ERICH1: variants seen among roughly 807,000 people sequenced by gnomAD.
The protein encoded by ERICH1 is glutamate rich 1.
In ERICH1, 56 loss-of-function variants were observed where a neutral mutation model predicts 39.6. That is an observed-to-expected ratio of 1.41 (90% CI 1.14 to 1.77). The LOEUF (loss-of-function observed/expected upper bound fraction) is 1.77, where lower values mean the gene tolerates loss of function less well. Ranked by LOEUF, ERICH1 falls within the 40% of genes most tolerant of loss-of-function variation. ERICH1 has a pLI of 0.00. For missense variants in ERICH1, 826 were observed against 575.4 expected (o/e 1.44, Z -4.45); for synonymous variants, 313 against 223.6 (o/e 1.40, Z -3.57).
Position 634,534 on chromosome 8 carries a change from G to C in ERICH1, c.977-19250C>G, listed in dbSNP as rs1022852023. On this transcript the variant is annotated intron_variant, in intron 3 of 3. Coordinates refer to the ERICH1 transcript ENST00000522706. ...GCACACCCATGCTCAGGGCGGCCCCGTCGGGCGGGCACCTTCAACAGCAGG... is the reference window on the plus strand; with the variant it reads ...GCACACCCATGCTCAGGGCGGCCCCCTCGGGCGGGCACCTTCAACAGCAGG... Among the ~76,000 whole-genome samples, 31 of 152,212 alleles carry C rather than the reference G, an allele frequency of 2.0e-4. 1 individual carries two copies. The highest frequency in any genetic ancestry group is 2.0e-3 in the Admixed American group (31 of 15,282).
chr8:671,378 C>T (rs1254976568), intron 4 of ERICH1, among the ~76,000 whole-genome samples: 3 of 141,792 alleles, frequency 2.1e-5, no homozygotes, highest in Non-Finnish European at 3.1e-5. Context: ...CCGGCCCCGG[C>T]TCTAATGTCT....
chr8:654,046 GGTTGCGGA>G (rs1233828714), intron 3 of ERICH1, among the ~76,000 whole-genome samples: 1 of 152,126 alleles, frequency 6.6e-6, no homozygotes, highest in African/African-American at 2.4e-5. Context: ...TGCAGGGAGG[GGTTGCGGA>G]GTTCCTGTCT....
At chr8:685,263 A>G (rs183278282) in intron 3 of ERICH1, among the ~76,000 whole-genome samples, 1 of 152,334 alleles carries the variant, frequency 6.6e-6, no homozygotes, top group East Asian at 1.9e-4. Flanking sequence ...GTTTTCGGCA[A>G]TAAGAGAAAT....
chr8:683,537 G>C lies in ERICH1; in HGVS notation c.304+8941C>G, dbSNP rs188446034. ...CTCTCTCTTAATAGATCTGAATCTGGAGCAGTAATTTCCAAAGACAACAAG... is the reference window on the plus strand; with the variant it reads ...CTCTCTCTTAATAGATCTGAATCTGCAGCAGTAATTTCCAAAGACAACAAG... On this transcript the variant is annotated intron_variant, in intron 3 of 5. Transcript: ENST00000262109. Among the ~76,000 whole-genome samples, 60 of 152,298 alleles carry C rather than the reference G, an allele frequency of 3.9e-4. No individual in the cohort carries two copies. In the East Asian group the frequency reaches 0.011, roughly 28 times the overall value.
intron 5 of ERICH1, chr8:667,278 C>G (rs1162184567): frequency 6.5e-6 from 1 of 153,448 alleles, no homozygotes; most frequent in Non-Finnish European, 1.5e-5. Context: ...ATGTGCCTGG[C>G]CCTGTCACCT....
At chr8:706,924 G>A (rs960657664) in intron 2 of ERICH1, among the ~76,000 whole-genome samples, 1 of 152,148 alleles carries the variant, frequency 6.6e-6, no homozygotes, top group Non-Finnish European at 1.5e-5. Context: ...ACTGCCCAGT[G>A]TTCTACAAAC....
At chr8:631,275 C>A (rs1369009110) in intron 3 of ERICH1, among the ~76,000 whole-genome samples, 1 of 152,214 alleles carries the variant, frequency 6.6e-6, no homozygotes, top group Admixed American at 6.5e-5. Context: ...AGCCCCCGTG[C>A]CCCTGCTCCA....
At chr8:634,947 G>A (rs1798308231) in intron 3 of ERICH1, among the ~76,000 whole-genome samples, 1 of 152,200 alleles carries the variant, frequency 6.6e-6, no homozygotes, top group Admixed American at 6.5e-5. Context: ...CCCTCTTGGT[G>A]CCTCTGGGGA....
At chr8:699,003 A>C (rs1347632927) in intron 2 of ERICH1, among the ~76,000 whole-genome samples, 2 of 151,406 alleles carry the variant, frequency 1.3e-5, no homozygotes, top group African/African-American at 4.9e-5. Flanking sequence ...GTCTCGGCTC[A>C]GCTGTGGCGG....
chr8:629,204 G>C lies in ERICH1; in HGVS notation c.977-13920C>G, dbSNP rs568452436. Among the ~76,000 whole-genome samples the C allele has an allele frequency of 1.1e-4, 16 of 152,280 alleles. 1 individual carries two copies. The South Asian group carries it at 2.9e-3, about 28-fold the overall frequency. ...AGCACCCCCTTCCTAGCCACACTCA[G>C]GGCTTTATAGTGGCAACAAAAATGG... On this transcript the variant is annotated intron_variant, in intron 3 of 3. Transcript: ENST00000522706.
chr8:711,318 G>T (rs986906042), intron 2 of ERICH1, among the ~76,000 whole-genome samples: 1 of 152,060 alleles, frequency 6.6e-6, no homozygotes, highest in Non-Finnish European at 1.5e-5. Context: ...CAGAGCACAA[G>T]ATTTTAATTT....
chr8:627,272 G>A (rs981721108), intron 3 of ERICH1: 1 of 454,830 alleles, frequency 2.2e-6, no homozygotes, highest in Non-Finnish European at 4.4e-6. Context: ...TTACCTTACA[G>A]GATTGAAAAG....
At chr8:719,733 C>T (rs1368941939) in intron 1 of ERICH1, among the ~76,000 whole-genome samples, 1 of 152,216 alleles carries the variant, frequency 6.6e-6, no homozygotes, top group Admixed American at 6.5e-5. Context: ...GAAGTGCCCA[C>T]ACTTGCACAT....
At chr8:711,849 T>C (rs895258473) in intron 2 of ERICH1, among the ~76,000 whole-genome samples, 1 of 152,234 alleles carries the variant, frequency 6.6e-6, no homozygotes, top group Non-Finnish European at 1.5e-5. Flanking sequence ...TCTGTGTCTA[T>C]ATTTTTATGC....
In ERICH1 at chr8:687,634, G is replaced by A. The variant is rs532546517; in HGVS notation, c.304+4844C>T. Among the ~76,000 whole-genome samples, 9 of 152,302 alleles carry A rather than the reference G, an allele frequency of 5.9e-5. No homozygotes were observed. In the South Asian group the frequency reaches 1.7e-3, roughly 28 times the overall value. On this transcript the variant is annotated intron_variant, in intron 3 of 5. Coordinates refer to ENST00000262109, the MANE Select transcript of ERICH1 (RefSeq NM_207332.3). ...TCCCTGTGGAGCGCAGCAGGAGGAA[G>A]GCAGCGCGCGGGGAGCGCCCGGGCG... is the stretch of plus-strand genomic sequence containing the variant.
At chr8:671,124 C>T (rs1474797761) in intron 4 of ERICH1, among the ~76,000 whole-genome samples, 3 of 151,414 alleles carry the variant, frequency 2.0e-5, no homozygotes, top group Non-Finnish European at 4.4e-5. Flanking sequence ...CAGGCTCCGA[C>T]CTCTGAACGT....
chr8:704,312 G>T (rs747143865), intron 2 of ERICH1, among the ~76,000 whole-genome samples: 1 of 152,198 alleles, frequency 6.6e-6, no homozygotes, highest in Non-Finnish European at 1.5e-5. Flanking sequence ...AGGTGAGACC[G>T]GGAGTTACGG....
intron 3 of ERICH1, among the ~76,000 whole-genome samples, chr8:631,199 A>G (rs1363987623): frequency 6.6e-6 from 1 of 152,254 alleles, no homozygotes; most frequent in African/African-American, 2.4e-5. Flanking sequence ...GGAGGAGAAC[A>G]GGGGTGCCTG....
At chr8:640,977 G>A (rs1455921272) in intron 3 of ERICH1, 1 of 152,212 alleles carries the variant, frequency 6.6e-6, no homozygotes, top group Non-Finnish European at 1.5e-5. Context: ...AAACACTCCA[G>A]GATAGTTCAG....
Sources: gnomAD v4.1 joint callset for allele counts (sites outside exome capture counted in the v4.1 genomes callset) on GRCh38, gnomAD v4.1.1 for gene constraint, MANE v1.5 for transcripts, NCBI Gene and HGNC (gene_info 2026-07-23, HGNC 2026-07-21) for gene names.